Variants in MCF2 observed in about 807,000 individuals in gnomAD.
MCF2 encodes the protein MCF.2 cell line derived transforming sequence, also known as proto-oncogene DBL.
In MCF2, 44 loss-of-function variants were observed where a neutral mutation model predicts 82.5. The observed-to-expected ratio is 0.53, with a 90% CI of 0.42 to 0.69. The LOEUF (loss-of-function observed/expected upper bound fraction) is 0.69, where lower values mean the gene tolerates loss of function less well. Ranked by LOEUF, MCF2 falls within the 30% of genes least tolerant of loss-of-function variation. The pLI is 0.00. For synonymous variants in MCF2, 217 were observed against 224.9 expected, an observed-to-expected ratio of 0.96 and a Z score of 0.32; for missense variants, 623 against 663.1, an observed-to-expected ratio of 0.94 and a Z score of 0.66.
chrX:139,638,984 T>A (rs1440924722), intron 1 of MCF2, among the ~76,000 whole-genome samples: 1 of 111,852 alleles, frequency 8.9e-6, no homozygotes, highest in African/African-American at 3.3e-5. Flanking sequence ...ATTCTCAAGA[T>A]AATCCATTTT....
intron 22 of MCF2, among the ~76,000 whole-genome samples, chrX:139,587,158 T>C (rs1216753214): frequency 9.0e-6 from 1 of 111,514 alleles, no homozygotes; most frequent in African/African-American, 3.3e-5. Flanking sequence ...GAATTCTTTC[T>C]GTATATATGC....
intron 10 of MCF2, 143 bp downstream of exon 14, chrX:139,613,073 T>A (rs1931621784): frequency 2.4e-6 from 1 of 414,010 alleles, no homozygotes; most frequent in Admixed American, 4.2e-5. Flanking sequence ...TAATGGATGG[T>A]TATTATGAAA....
intron 1 of MCF2, among the ~76,000 whole-genome samples, chrX:139,695,409 G>T (rs765992494): frequency 8.9e-6 from 1 of 111,933 alleles, no homozygotes; most frequent in African/African-American, 3.2e-5. Flanking sequence ...AATTATTGAA[G>T]GATTTTTAAG....
At chrX:139,628,090 C>T (rs1390642718) in intron 4 of MCF2, among the ~76,000 whole-genome samples, 1 of 112,023 alleles carries the variant, frequency 8.9e-6, no homozygotes, top group Non-Finnish European at 1.9e-5. Flanking sequence ...GAGCTTAAAA[C>T]AGAACACCAT....
intron 1 of MCF2, among the ~76,000 whole-genome samples, chrX:139,673,229 G>C (rs1934758707): frequency 9.0e-6 from 1 of 111,315 alleles, no homozygotes; most frequent in South Asian, 3.8e-4. Flanking sequence ...AGTCTTGCTA[G>C]CAGTCTATCA....
In MCF2 at chrX:139,585,468, G is replaced by A. The variant is rs148971082; in HGVS notation, c.2633-290C>T. 3.1e-3 allele frequency among the ~76,000 whole-genome samples: 342 copies of A among 111,603 alleles called. 1 individual carries two copies. The highest frequency in any genetic ancestry group is 0.011 in the African/African-American group (329 of 30,732). ...TTGGGGGCCACAGCATAGATGACCT[G>A]AGGGAAGTGACCTTTAATTGGATAA... On this transcript the variant is annotated intron_variant, in intron 23 of 24. Transcript: ENST00000370576.
chrX:139,702,861 G>A (rs1460595670), intron 1 of MCF2, among the ~76,000 whole-genome samples: 1 of 112,217 alleles, frequency 8.9e-6, no homozygotes, highest in Non-Finnish European at 1.9e-5. Flanking sequence ...CCTCAGGAAT[G>A]AAGGACTTAT....
At chrX:139,704,387 C>A (rs775462118) in intron 1 of MCF2, among the ~76,000 whole-genome samples, 1 of 112,423 alleles carries the variant, frequency 8.9e-6, no homozygotes, top group Non-Finnish European at 1.9e-5. Flanking sequence ...GCCTTGTGAA[C>A]TTGCATATGA....
intron 1 of MCF2, among the ~76,000 whole-genome samples, chrX:139,658,144 GT>G (rs1366582322): frequency 9.0e-6 from 1 of 111,373 alleles, no homozygotes; most frequent in Non-Finnish European, 1.9e-5. Context: ...GAGGAACTTA[GT>G]TTTTATGTTC....
intron 1 of MCF2, among the ~76,000 whole-genome samples, chrX:139,688,783 T>C (rs989279875): frequency 9.0e-6 from 1 of 111,571 alleles, no homozygotes; most frequent in African/African-American, 3.3e-5. Flanking sequence ...CTTGCTGAGT[T>C]ATCAATATAG....
chrX:139,646,638 T>C (rs889200485), upstream of MCF2: 2 of 350,798 alleles, frequency 5.7e-6, no homozygotes, highest in Non-Finnish European at 1.0e-5. Flanking sequence ...CAGCTTCTCC[T>C]TCTAAGTTGT....
intron 1 of MCF2, among the ~76,000 whole-genome samples, chrX:139,692,873 T>A (rs1241056675): frequency 8.9e-6 from 1 of 112,169 alleles, no homozygotes; most frequent in Non-Finnish European, 1.9e-5. Flanking sequence ...TACTCTGATC[T>A]CAGTCTTTGG....
intron 1 of MCF2, among the ~76,000 whole-genome samples, chrX:139,671,046 C>T (rs1054610374): frequency 7.1e-5 from 8 of 111,968 alleles, no homozygotes; most frequent in African/African-American, 1.3e-4. Flanking sequence ...TTTTGATTTG[C>T]ATTTCTCTGA....
chrX:139,604,743 A>T, exon 15 of MCF2: 1 of 1,195,451 alleles, frequency 8.4e-7, no homozygotes, highest in South Asian at 1.9e-5. Context: ...AGGCTGCTCA[A>T]GAAAATGCTG....
At chrX:139,604,398 TCCCTGGATTACTAGGATTACC>T (rs1022249175) in intron 15 of MCF2, among the ~76,000 whole-genome samples, 13 of 110,402 alleles carry the variant, frequency 1.2e-4, no homozygotes, top group African/African-American at 4.3e-4. Flanking sequence ...GTCAGGATGG[TCCCTGGATTACTAGGATTACC>T]CAGGAGTCAG....
intron 1 of MCF2, among the ~76,000 whole-genome samples, chrX:139,670,371 G>T (rs1934646628): frequency 9.0e-6 from 1 of 111,165 alleles, no homozygotes; most frequent in African/African-American, 3.3e-5. Context: ...CTGCAGGTTT[G>T]TTACATAGGT....
chrX:139,616,247 T>C (rs1480628570), intron 9 of MCF2, 35 bp downstream of exon 12: 2 of 885,270 alleles, frequency 2.3e-6, no homozygotes, highest in South Asian at 9.0e-5. Flanking sequence ...TATAATTTTC[T>C]TTAAATATTT....
At chrX:139,616,907 T>C (rs1313183653) in intron 8 of MCF2, among the ~76,000 whole-genome samples, 1 of 111,863 alleles carries the variant, frequency 8.9e-6, no homozygotes, top group Non-Finnish European at 1.9e-5. Context: ...TAAAGTTTCC[T>C]TCCCAAAGAA....
intron 13 of MCF2, 121 bp from the exon 18 acceptor site, chrX:139,605,105 A>T: frequency 3.5e-6 from 1 of 288,483 alleles, no homozygotes; most frequent in Admixed American, 5.3e-5. Context: ...TTTGAATTTT[A>T]TTTCAATTTT....
Sources: allele counts gnomAD v4.1 joint callset (sites outside exome capture counted in the v4.1 genomes callset), GRCh38; gene constraint gnomAD v4.1.1; transcripts MANE v1.5; gene names NCBI Gene and HGNC (gene_info 2026-07-23, HGNC 2026-07-21).